Variants in IMPACT observed in about 807,000 individuals in gnomAD.
IMPACT encodes the protein protein IMPACT.
IMPACT carries 35 observed loss-of-function variants against 47.5 expected under a neutral mutation model. The observed-to-expected ratio is 0.74, with a 90% confidence interval of 0.56 to 0.98. IMPACT has a LOEUF of 0.98. Ranked by LOEUF, IMPACT falls within the 50% of genes least tolerant of loss-of-function variation. The pLI, the probability that IMPACT is intolerant of heterozygous loss-of-function variation, is 0.00. For missense variants in IMPACT, 373 were observed against 394.8 expected (o/e 0.94, Z 0.47); for synonymous variants, 118 against 125.6 (o/e 0.94, Z 0.40).
At chr18:24,439,809 G>A (rs1055832919) in intron 5 of IMPACT, among the ~76,000 whole-genome samples, 6 of 152,122 alleles carry the variant, frequency 3.9e-5, no homozygotes, top group African/African-American at 1.4e-4. Context: ...GAGACTCTGT[G>A]TCAAACAAAA....
chr18:24,437,048 A>G (rs968458927), intron 4 of IMPACT, among the ~76,000 whole-genome samples: 2 of 151,708 alleles, frequency 1.3e-5, no homozygotes, highest in Admixed American at 1.3e-4. Context: ...GTATAGAATT[A>G]TTTAAAAACA....
intron 4 of IMPACT, among the ~76,000 whole-genome samples, chr18:24,436,770 C>T (rs558062048): frequency 6.6e-6 from 1 of 152,088 alleles, no homozygotes; most frequent in South Asian, 2.1e-4. Flanking sequence ...AGGCTGGTCT[C>T]GAACTCTTGA....
Position 24,434,776 on chromosome 18 carries a change from AAT to A in IMPACT, c.282-3160_282-3159del, listed in dbSNP as rs1555666476. On this transcript the variant is annotated intron_variant, in intron 4 of 10. Transcript: ENST00000284202. ...AAAACTCTGTCTCAAAAAAAAAAAA[AAT>A]ATATATATATATATATATGTGTGTG... 9.3e-3 allele frequency among the ~76,000 whole-genome samples: 1,057 copies of A among 113,986 alleles called. 82 individuals carry two copies. The highest frequency in any genetic ancestry group is 0.04 in the African/African-American group (971 of 24,294). 74.8% of individuals were successfully genotyped at this position (113,986 alleles called of 152,430 possible). A position where few individuals can be genotyped will look rare whatever the true frequency, so the allele number is the denominator to read the frequency against.
chr18:24,438,843 A>G (rs768911484), intron 5 of IMPACT, among the ~76,000 whole-genome samples: 6 of 152,140 alleles, frequency 3.9e-5, no homozygotes, highest in Non-Finnish European at 5.9e-5. Flanking sequence ...TCTCCACTGT[A>G]AATGCTGTAG....
At chr18:24,446,848 A>G (rs748611848) in intron 8 of IMPACT, among the ~76,000 whole-genome samples, 5 of 152,230 alleles carry the variant, frequency 3.3e-5, no homozygotes, top group Non-Finnish European at 7.3e-5. Flanking sequence ...AAAAATTGTA[A>G]TGTTCATTTA....
At chr18:24,445,288 A>C in intron 7 of IMPACT, 105 bp from the exon 8 acceptor site, 2 of 690,622 alleles carry the variant, frequency 2.9e-6, no homozygotes. Flanking sequence ...AGACTCTTTA[A>C]GTGACTATTT....
intron 1 of IMPACT, chr18:24,427,068 A>G: frequency 2.7e-6 from 1 of 373,058 alleles, no homozygotes; most frequent in Non-Finnish European, 4.8e-6. Context: ...GGCCGAAGGC[A>G]AAAACCGGGG....
chr18:24,450,998 ATC>A lies in IMPACT; in HGVS notation c.*152_*153del, dbSNP rs1464142341. On this transcript the variant is annotated 3_prime_UTR_variant, in exon 11 of 11. Coordinates refer to ENST00000284202, the MANE Select transcript of IMPACT (RefSeq NM_018439.4). ...AACATTAGCTTTTCTTCTTGGTTATATCATCTGCCAAAAATAGAGAACTTATG... is the reference window on the plus strand; with the variant it reads ...AACATTAGCTTTTCTTCTTGGTTATAATCTGCCAAAAATAGAGAACTTATG... 7.8e-6 allele frequency: 4 copies of A among 513,788 alleles called. No individual in the cohort carries two copies. Among genetic ancestry groups the A allele is most frequent in the African/African-American group, 2.0e-5 (1 of 51,236 alleles). The allele number at this position is 513,788 out of a possible 1,614,324, so 31.8% of individuals were successfully genotyped here. A position where few individuals can be genotyped will look rare whatever the true frequency, so the allele number is the denominator to read the frequency against.
At chr18:24,434,912 GTA>G (rs58021502) in intron 4 of IMPACT, among the ~76,000 whole-genome samples, 88,694 of 122,366 alleles carry the variant, frequency 0.72, 30,678 homozygotes, top group Admixed American at 0.78. Context: ...ATATGTGTGT[GTA>G]TATATATATA....
chr18:24,442,984 T>G, intron 6 of IMPACT, 65 bp from the exon 7 acceptor site: 2 of 792,836 alleles, frequency 2.5e-6, no homozygotes, highest in Non-Finnish European at 4.2e-6. Context: ...TGCCCCCCCA[T>G]TTCATTTTTT....
intron 10 of IMPACT, among the ~76,000 whole-genome samples, chr18:24,450,273 C>A (rs1215566262): frequency 1.3e-5 from 2 of 152,032 alleles, no homozygotes; most frequent in African/African-American, 2.4e-5. Context: ...AAATTGAGCC[C>A]CAGAGTGGTT....
intron 9 of IMPACT, 99 bp downstream of exon 9, chr18:24,448,282 T>C (rs1369928536): frequency 3.0e-6 from 2 of 669,314 alleles, no homozygotes; most frequent in Non-Finnish European, 5.3e-6. Context: ...AGTTGAACTA[T>C]GTAACATAAG....
At chr18:24,441,044 C>T (rs1288042379) in intron 6 of IMPACT, among the ~76,000 whole-genome samples, 2 of 152,092 alleles carry the variant, frequency 1.3e-5, no homozygotes. Context: ...AGTAAAATGC[C>T]TTTAAGAGGT....
In IMPACT at chr18:24,451,886, C is replaced by G. The variant is rs1444621779; in HGVS notation, c.*1039C>G. The stretch of plus-strand genomic sequence containing the variant: ...GGAAAAACAGAAACAACCCTCCCCC[C>G]CATTTTTTCCCCTCTATTCATCAAA... On this transcript the variant is annotated 3_prime_UTR_variant, in exon 11 of 11. Transcript: ENST00000284202. 2 of 152,040 alleles carry G rather than the reference C, an allele frequency of 1.3e-5. No homozygotes were observed. Among genetic ancestry groups the G allele is most frequent in the East Asian group, 1.9e-4 (1 of 5,190 alleles). The allele number at this position is 152,040 out of a possible 1,614,324, so 9.4% of individuals were successfully genotyped here.
At chr18:24,432,611 T>C (rs1485184303) in intron 4 of IMPACT, among the ~76,000 whole-genome samples, 1 of 152,150 alleles carries the variant, frequency 6.6e-6, no homozygotes, top group Non-Finnish European at 1.5e-5. Flanking sequence ...TTTTCTGATA[T>C]CTCTCCCTAA....
chr18:24,440,462 C>T (rs752689524), intron 5 of IMPACT, 34 bp from the exon 6 acceptor site: 14 of 1,598,444 alleles, frequency 8.8e-6, no homozygotes, highest in East Asian at 2.3e-5. Flanking sequence ...TTCTTACCTG[C>T]GTCATAAAGT....
intron 9 of IMPACT, 124 bp from the exon 10 acceptor site, chr18:24,449,695 C>T: frequency 1.3e-6 from 1 of 777,112 alleles, no homozygotes; most frequent in Non-Finnish European, 2.1e-6. Flanking sequence ...TATGGCTCTA[C>T]CATTAAAGTC....
intron 4 of IMPACT, among the ~76,000 whole-genome samples, chr18:24,435,745 T>C (rs553032724): frequency 1.3e-5 from 2 of 152,188 alleles, no homozygotes; most frequent in East Asian, 3.9e-4. Flanking sequence ...GTTAATCGGG[T>C]GTGTTGGGCA....
chr18:24,452,994 C>G lies in IMPACT; in HGVS notation c.*2147C>G, dbSNP rs1390454060. 1.3e-5 allele frequency: 2 copies of G among 152,146 alleles called. No homozygotes were observed. Among genetic ancestry groups the G allele is most frequent in the African/African-American group, 4.8e-5 (2 of 41,422 alleles). The allele number at this position is 152,146 out of a possible 1,614,324, so 9.4% of individuals were successfully genotyped here. ...GTCTTTCTATGTTGCCCAGGCTCGT[C>G]TTGAGCTCCTGGCCTCAATCGATCT... On this transcript the variant is annotated 3_prime_UTR_variant, in exon 11 of 11. Coordinates refer to ENST00000284202, the MANE Select transcript of IMPACT (RefSeq NM_018439.4).
Sources: allele counts gnomAD v4.1 joint callset (sites outside exome capture counted in the v4.1 genomes callset), GRCh38; gene constraint gnomAD v4.1.1; transcripts MANE v1.5; gene names NCBI Gene and HGNC (gene_info 2026-07-23, HGNC 2026-07-21).